STIP1: variants seen among roughly 807,000 people sequenced by gnomAD.
The protein encoded by STIP1 is stress-induced-phosphoprotein 1.
STIP1 carries 16 observed loss-of-function variants against 77.4 expected under a neutral mutation model. The ratio of observed to expected loss-of-function variants is 0.21; its 90% confidence interval spans 0.14 to 0.31. The LOEUF is 0.31. STIP1 is among the 10% of genes least tolerant of loss of function. The probability of loss-of-function intolerance (pLI) is 1.00; values close to 1 mark genes in which losing one functional copy is unlikely to be tolerated. For missense variants in STIP1, 524 were observed against 684.8 expected (o/e 0.77, Z 2.62); for synonymous variants, 258 against 246.6 (o/e 1.05, Z -0.44).
At chr11:64,185,979 G>C (rs1420433984), upstream of STIP1, 37 of 1,540,172 alleles carry the variant, frequency 2.4e-5, no homozygotes, top group African/African-American at 1.4e-5. Flanking sequence ...AGATGGGTGG[G>C]TTTATAGAGG....
chr11:64,198,753 G>GTTTTTTTTTTTTTTTTTT (rs371481270), intron 8 of STIP1, among the ~76,000 whole-genome samples: 4 of 111,024 alleles, frequency 3.6e-5, no homozygotes, highest in Non-Finnish European at 5.3e-5. Context: ...TTTTTTTGTG[G>GTTTTTTTTTTTTTTTTTT]TTTTTTTTTT....
chr11:64,196,500 A>G (rs939929853), intron 5 of STIP1, among the ~76,000 whole-genome samples: 8 of 151,812 alleles, frequency 5.3e-5, no homozygotes, highest in African/African-American at 1.7e-4. Context: ...CAGCGGCTTC[A>G]TTGCTGCCAG....
At chr11:64,202,937 C>T in intron 11 of STIP1, 25 bp downstream of exon 11, 2 of 1,614,140 alleles carry the variant, frequency 1.2e-6, no homozygotes, top group Admixed American at 1.7e-5. Context: ...GCTGCCTGTC[C>T]CCTGTCTCTA....
Position 64,186,341 on chromosome 11 carries a change from G to A in STIP1, c.9+71G>A, listed in dbSNP as rs1003741729. On this transcript the variant is annotated intron_variant, in intron 1 of 13. Coordinates refer to ENST00000305218, the MANE Select transcript of STIP1 (RefSeq NM_006819.3). ...CGGCGGTGGCCAGGCCGCGGTAGGGGGGCGGGGCGGGCGCCGGATCCAGGA... is the reference window on the plus strand; with the variant it reads ...CGGCGGTGGCCAGGCCGCGGTAGGGAGGCGGGGCGGGCGCCGGATCCAGGA... 122 of 1,281,896 alleles carry A rather than the reference G, an allele frequency of 9.5e-5. 1 individual carries two copies. In the African/African-American group the frequency reaches 1.6e-3, roughly 17 times the overall value. 79.4% of individuals were successfully genotyped at this position (1,281,896 alleles called of 1,614,324 possible). A position where few individuals can be genotyped will look rare whatever the true frequency, so the allele number is the denominator to read the frequency against.
rs1310166036 is a variant in STIP1 at position 64,196,888 on chromosome 11, A to G, written c.673-383A>G. 6 of 199,854 alleles carry G rather than the reference A, an allele frequency of 3.0e-5. No individual in the cohort carries two copies. The East Asian group carries it at 4.8e-4, about 16-fold the overall frequency. 12.4% of individuals were successfully genotyped at this position (199,854 alleles called of 1,614,324 possible). ...CCCCCTCTGCTATGGTTCCCTGACA[A>G]CTAAGACCCTGAGGCAACCACAAGA... is the stretch of plus-strand genomic sequence containing the variant. On this transcript the variant is annotated intron_variant, in intron 5 of 13. Transcript: ENST00000305218.
chr11:64,197,643 G>A (rs1198631213), intron 7 of STIP1, 48 bp downstream of exon 7: 1 of 1,607,078 alleles, frequency 6.2e-7, no homozygotes, highest in Non-Finnish European at 8.5e-7. Context: ...AGGGTTTGCT[G>A]TCCAAGACTT....
intron 1 of STIP1, among the ~76,000 whole-genome samples, chr11:64,191,451 C>A (rs922709037): frequency 1.3e-5 from 2 of 150,858 alleles, no homozygotes; most frequent in African/African-American, 4.9e-5. Context: ...ACTAAAAATA[C>A]AAAAATTAGC....
At chr11:64,188,030 T>A (rs1591002491) in intron 1 of STIP1, among the ~76,000 whole-genome samples, 2 of 112,416 alleles carry the variant, frequency 1.8e-5, no homozygotes, top group African/African-American at 7.4e-5. Flanking sequence ...AGAGCGAGAC[T>A]CCGTCTCAAA....
intron 5 of STIP1, 146 bp from the exon 6 acceptor site, chr11:64,197,125 A>C: frequency 9.8e-7 from 1 of 1,018,934 alleles, no homozygotes; most frequent in East Asian, 2.6e-5. Context: ...TTTATTGTCT[A>C]TAGCTGACTG....
At chr11:64,202,829 C>T (rs764416459) in intron 10 of STIP1, 47 bp from the exon 11 acceptor site, 11 of 1,613,042 alleles carry the variant, frequency 6.8e-6, no homozygotes, top group Non-Finnish European at 8.5e-6. Flanking sequence ...CTGTACTGAG[C>T]TTGTCCAAGG....
At chr11:64,192,463 G>T (rs1946103439) in intron 1 of STIP1, among the ~76,000 whole-genome samples, 1 of 152,216 alleles carries the variant, frequency 6.6e-6, no homozygotes, top group Non-Finnish European at 1.5e-5. Flanking sequence ...TCAATTTGGG[G>T]AGCTAGCTTG....
In STIP1 at chr11:64,203,434, C is replaced by T. The variant is rs200076567; in HGVS notation, c.1387-16C>T. On this transcript the variant is annotated splice_polypyrimidine_tract_variant and intron_variant, in intron 12 of 13. Transcript: ENST00000305218. ...TGGTCCTAACACGCTTCACCTTTGT[C>T]TCTTCTGGACTGCAGGAGGCGGCAG... 462 of 1,613,796 alleles carry T rather than the reference C, an allele frequency of 2.9e-4. 2 individuals are homozygous for T. The African/African-American group carries it at 5.7e-3, about 20-fold the overall frequency.
intron 1 of STIP1, among the ~76,000 whole-genome samples, chr11:64,190,011 T>A (rs1403539248): frequency 6.6e-6 from 1 of 151,688 alleles, no homozygotes; most frequent in African/African-American, 2.4e-5. Context: ...CTCTTTTTTT[T>A]TTTTTTCCAA....
At chr11:64,190,861 A>G (rs984047449) in intron 1 of STIP1, among the ~76,000 whole-genome samples, 3 of 152,134 alleles carry the variant, frequency 2.0e-5, no homozygotes, top group African/African-American at 7.2e-5. Flanking sequence ...TTAGCCAGGC[A>G]TGGTGACACA....
chr11:64,191,964 G>A (rs552106926), intron 1 of STIP1, among the ~76,000 whole-genome samples: 76 of 152,044 alleles, frequency 5.0e-4, no homozygotes, highest in African/African-American at 1.8e-3. Flanking sequence ...GGGCAGAGGC[G>A]CTCCTCACTT....
intron 1 of STIP1, among the ~76,000 whole-genome samples, chr11:64,192,222 G>A (rs1426803062): frequency 2.6e-5 from 4 of 152,204 alleles, no homozygotes; most frequent in Non-Finnish European, 4.4e-5. Context: ...GCTGAGGCAG[G>A]AGAATCGCTT....
chr11:64,186,909 G>A (rs536587961), intron 1 of STIP1, among the ~76,000 whole-genome samples: 2 of 152,188 alleles, frequency 1.3e-5, no homozygotes, highest in Non-Finnish European at 2.9e-5. Flanking sequence ...GGAAAGGGAA[G>A]GGTGCCGCAA....
At chr11:64,191,855 G>C (rs1184312526) in intron 1 of STIP1, among the ~76,000 whole-genome samples, 1 of 151,970 alleles carries the variant, frequency 6.6e-6, no homozygotes, top group Non-Finnish European at 1.5e-5. Context: ...CTTCACACTT[G>C]GAGGGTTGCA....
upstream of STIP1, chr11:64,185,685 G>A (rs947093485): frequency 1.6e-6 from 2 of 1,212,238 alleles, no homozygotes; most frequent in Non-Finnish European, 2.3e-6. Flanking sequence ...TACAGACCCC[G>A]ACTGCAGCCG....
Sources: gnomAD v4.1 joint callset for allele counts (sites outside exome capture counted in the v4.1 genomes callset) on GRCh38, gnomAD v4.1.1 for gene constraint, MANE v1.5 for transcripts, NCBI Gene and HGNC (gene_info 2026-07-23, HGNC 2026-07-21) for gene names.